MYO1B: variants seen among roughly 807,000 people sequenced by gnomAD.
MYO1B encodes the protein unconventional myosin-Ib.
MYO1B carries 72 observed loss-of-function variants against 159.7 expected under a neutral mutation model. The ratio of observed to expected loss-of-function variants is 0.45; its 90% CI spans 0.37 to 0.55. MYO1B has a LOEUF of 0.55. Among genes scored for constraint, MYO1B ranks in the 20% least tolerant of loss-of-function variants. The pLI, the probability that MYO1B is intolerant of heterozygous loss-of-function variation, is 0.00. For missense variants in MYO1B, 1,062 were observed against 1,364.8 expected, an observed-to-expected ratio of 0.78 and a Z score of 3.50; for synonymous variants, 468 against 473.8, an observed-to-expected ratio of 0.99 and a Z score of 0.16.
intron 1 of MYO1B, among the ~76,000 whole-genome samples, chr2:191,271,947 A>T (rs752768522): frequency 6.6e-6 from 1 of 152,022 alleles, no homozygotes; most frequent in South Asian, 2.1e-4. Context: ...GATTGGGTAG[A>T]CTCATTAAGT....
chr2:191,412,005 A>G (rs1020340867), intron 27 of MYO1B, among the ~76,000 whole-genome samples: 1 of 152,258 alleles, frequency 6.6e-6, no homozygotes, highest in Non-Finnish European at 1.5e-5. Context: ...TTATGTTTAT[A>G]TTCTCTGTGA....
chr2:191,248,323 A>G (rs1297088908), intron 1 of MYO1B, among the ~76,000 whole-genome samples: 1 of 152,232 alleles, frequency 6.6e-6, no homozygotes, highest in Non-Finnish European at 1.5e-5. Flanking sequence ...CACCGTACAG[A>G]TGCTCCTAGA....
chr2:191,329,628 TTAAA>T (rs1168633308), intron 3 of MYO1B, among the ~76,000 whole-genome samples: 2 of 147,540 alleles, frequency 1.4e-5, no homozygotes, highest in South Asian at 2.1e-4. Flanking sequence ...TATAAATTTA[TTAAA>T]TAAATTTATA....
intron 1 of MYO1B, among the ~76,000 whole-genome samples, chr2:191,275,983 T>C (rs1687729564): frequency 6.6e-6 from 1 of 152,224 alleles, no homozygotes; most frequent in South Asian, 2.1e-4. Context: ...ACCATGCACA[T>C]TAGTAGCAGG....
chr2:191,354,932 G>A (rs989871741), intron 7 of MYO1B, among the ~76,000 whole-genome samples: 2 of 152,178 alleles, frequency 1.3e-5, no homozygotes, highest in African/African-American at 4.8e-5. Context: ...TCCAGAAATG[G>A]CACAATAATT....
intron 1 of MYO1B, among the ~76,000 whole-genome samples, chr2:191,267,020 T>C (rs1687185300): frequency 6.6e-6 from 1 of 152,150 alleles, no homozygotes; most frequent in Admixed American, 6.5e-5. Flanking sequence ...TGTTGATGAC[T>C]TTTATTGATG....
chr2:191,292,487 A>G (rs1688742049), intron 2 of MYO1B, among the ~76,000 whole-genome samples: 1 of 152,198 alleles, frequency 6.6e-6, no homozygotes, highest in African/African-American at 2.4e-5. Context: ...AGAGTTACCA[A>G]TAGAAAGGAA....
intron 27 of MYO1B, 34 bp downstream of exon 27, chr2:191,411,206 G>T: frequency 7.2e-7 from 1 of 1,383,720 alleles, no homozygotes; most frequent in Non-Finnish European, 1.0e-6. Flanking sequence ...TAAAATTCAG[G>T]ATTATAAAAG....
At chr2:191,382,202 T>G (rs1695082861) in intron 14 of MYO1B, among the ~76,000 whole-genome samples, 2 of 152,150 alleles carry the variant, frequency 1.3e-5, no homozygotes, top group African/African-American at 2.4e-5. Context: ...GTTTATATTT[T>G]TATTTCCTTT....
In MYO1B at chr2:191,295,913, A is replaced by G. The variant is rs139987547; in HGVS notation, c.136-198A>G. Among the ~76,000 whole-genome samples, 586 of 152,316 alleles carry G rather than the reference A, an allele frequency of 3.8e-3. 4 individuals are homozygous for G. Among genetic ancestry groups the G allele is most frequent in the African/African-American group, 0.013 (558 of 41,572 alleles). ...TTAAATATATAAATGTATGCTTTCC[A>G]TTTATCAACAAACTAAATAGACATT... is the stretch of plus-strand genomic sequence containing the variant. On this transcript the variant is annotated intron_variant, in intron 2 of 30. Coordinates refer to ENST00000392318, the MANE Select transcript of MYO1B (RefSeq NM_001130158.3).
In MYO1B at chr2:191,424,981, T is replaced by G. The variant is rs897682433; in HGVS notation, c.*1021T>G. On this transcript the variant is annotated 3_prime_UTR_variant, in exon 31 of 31. Transcript: ENST00000392318. Reference sequence around the variant, plus strand: ...AAGGTGATTGGTACAGGGTGCCTATTTTAGTCATGGATCAAAATTTGTGTA... The same window carrying G: ...AAGGTGATTGGTACAGGGTGCCTATGTTAGTCATGGATCAAAATTTGTGTA... 6.6e-6 allele frequency: 1 copy of G among 152,606 alleles called. No homozygotes were observed. The highest frequency in any genetic ancestry group is 1.9e-4 in the East Asian group (1 of 5,200). The allele number at this position is 152,606 out of a possible 1,614,324, so 9.5% of individuals were successfully genotyped here. A position where few individuals can be genotyped will look rare whatever the true frequency, so the allele number is the denominator to read the frequency against.
chr2:191,406,517 G>A (rs1421665395), intron 24 of MYO1B, among the ~76,000 whole-genome samples: 5 of 152,126 alleles, frequency 3.3e-5, no homozygotes, highest in African/African-American at 9.7e-5. Flanking sequence ...AGAAGCCATT[G>A]TAGGATTATT....
At chr2:191,326,820 G>GCA (rs1691127200) in intron 3 of MYO1B, among the ~76,000 whole-genome samples, 4 of 149,572 alleles carry the variant, frequency 2.7e-5, no homozygotes, top group Non-Finnish European at 5.9e-5. Flanking sequence ...GTGTGTGCGC[G>GCA]CGCCATATAT....
At chr2:191,415,258 C>T (rs1697489115) in intron 29 of MYO1B, among the ~76,000 whole-genome samples, 1 of 152,182 alleles carries the variant, frequency 6.6e-6, no homozygotes. Context: ...TTAAATGAGA[C>T]ACTGGAGGAA....
intron 1 of MYO1B, among the ~76,000 whole-genome samples, chr2:191,270,741 A>T (rs1687407567): frequency 6.6e-6 from 1 of 152,150 alleles, no homozygotes; most frequent in African/African-American, 2.4e-5. Context: ...GTGTTCATGA[A>T]ATCTTGCCAC....
intron 3 of MYO1B, among the ~76,000 whole-genome samples, chr2:191,326,850 A>G (rs1362649483): frequency 2.1e-5 from 3 of 145,676 alleles, no homozygotes; most frequent in African/African-American, 7.6e-5. Context: ...TTTTGAAGTA[A>G]TTTTGCATTA....
chr2:191,293,642 G>A (rs1367268655), intron 2 of MYO1B, among the ~76,000 whole-genome samples: 1 of 152,176 alleles, frequency 6.6e-6, no homozygotes, highest in African/African-American at 2.4e-5. Flanking sequence ...TGGGAGTGTA[G>A]CACTGAGGAT....
At chr2:191,354,913 T>G (rs1423633226) in intron 7 of MYO1B, among the ~76,000 whole-genome samples, 1 of 152,264 alleles carries the variant, frequency 6.6e-6, no homozygotes, top group Non-Finnish European at 1.5e-5. Context: ...CACTGTCTGA[T>G]AGATTGTTTC....
chr2:191,360,438 G>A (rs1008767182), intron 7 of MYO1B, among the ~76,000 whole-genome samples, 193 bp from the exon 8 acceptor site: 6 of 152,140 alleles, frequency 3.9e-5, no homozygotes, highest in African/African-American at 7.2e-5. Context: ...TAAAAAGAAC[G>A]TGACCTGTGT....
Sources: allele counts gnomAD v4.1 joint callset (sites outside exome capture counted in the v4.1 genomes callset), GRCh38; gene constraint gnomAD v4.1.1; transcripts MANE v1.5; gene names NCBI Gene and HGNC (gene_info 2026-07-23, HGNC 2026-07-21).